The following DISC1 variants were observed in gnomAD, a reference collection of about 807,000 sequenced individuals.
DISC1 encodes DISC1 scaffold protein.
A neutral mutation model predicts 84.5 loss-of-function variants in DISC1; 57 were observed. The observed-to-expected ratio is 0.67, with a 90% CI of 0.55 to 0.84. The LOEUF is 0.84. Among genes scored for constraint, DISC1 ranks in the 40% least tolerant of loss-of-function variants. DISC1 has a pLI of 0.00. For missense variants in DISC1, 1,000 were observed against 1,057.8 expected (o/e 0.95, Z 0.76); for synonymous variants, 411 against 415.2 (o/e 0.99, Z 0.12).
chr1:231,727,577 GC>G (rs1166371400), intron 3 of DISC1, among the ~76,000 whole-genome samples: 1 of 152,120 alleles, frequency 6.6e-6, no homozygotes, highest in African/African-American at 2.4e-5. Context: ...TCAGAGAGAC[GC>G]CCCTTGAGTA....
intron 6 of DISC1, among the ~76,000 whole-genome samples, chr1:231,779,089 C>G (rs1225313021): frequency 1.3e-5 from 2 of 152,136 alleles, no homozygotes; most frequent in Non-Finnish European, 2.9e-5. Context: ...AAGTCTCACA[C>G]CCCTGCACCT....
chr1:231,706,858 A>C (rs1302537481), intron 3 of DISC1, among the ~76,000 whole-genome samples: 2 of 152,156 alleles, frequency 1.3e-5, no homozygotes, highest in Non-Finnish European at 2.9e-5. Context: ...CTCTATCCTC[A>C]GTTTCTCGTC....
At chr1:231,720,436 T>C (rs1186034827) in intron 3 of DISC1, among the ~76,000 whole-genome samples, 1 of 152,208 alleles carries the variant, frequency 6.6e-6, no homozygotes, top group Non-Finnish European at 1.5e-5. Context: ...ATTCCTGGGC[T>C]TAGGCGATCC....
chr1:231,775,754 T>C (rs146397297), intron 6 of DISC1, among the ~76,000 whole-genome samples: 274 of 152,314 alleles, frequency 1.8e-3, no homozygotes, highest in Admixed American at 3.0e-3. Context: ...ACCCCCCTGC[T>C]TTAAAACAAG....
chr1:232,039,789 A>G lies in DISC1; in HGVS notation c.*2958A>G, dbSNP rs1373296354. 1.3e-5 allele frequency: 2 copies of G among 152,158 alleles called. No homozygotes were observed. The highest frequency in any genetic ancestry group is 4.8e-5 in the African/African-American group (2 of 41,454). 9.4% of individuals were successfully genotyped at this position (152,158 alleles called of 1,614,324 possible). ...ATGGAAATTTATGTTGGCGATAGCC[A>G]AGACCACAAGCAAAAGCACATACTG... On this transcript the variant is annotated 3_prime_UTR_variant, in exon 13 of 13. Coordinates refer to ENST00000439617, the MANE Select transcript of DISC1 (RefSeq NM_018662.3).
At chr1:231,723,925 AG>A (rs2125122704) in intron 3 of DISC1, 1 of 985,470 alleles carries the variant, frequency 1.0e-6, no homozygotes, top group East Asian at 1.1e-4. Context: ...TTAATTCCCT[AG>A]GTCAGTGGCT....
intron 10 of DISC1, among the ~76,000 whole-genome samples, chr1:231,998,193 C>T (rs1666198345): frequency 6.6e-6 from 1 of 152,108 alleles, no homozygotes; most frequent in Non-Finnish European, 1.5e-5. Context: ...CTCAGAAATT[C>T]TCAGAGGACA....
At chr1:231,870,933 T>C (rs200924544) in intron 9 of DISC1, among the ~76,000 whole-genome samples, 17 of 152,242 alleles carry the variant, frequency 1.1e-4, no homozygotes, top group Non-Finnish European at 1.5e-4. Context: ...TTAATTTTGC[T>C]CTAGTAATGC....
At chr1:231,752,002 G>A (rs1333409717) in intron 4 of DISC1, among the ~76,000 whole-genome samples, 2 of 152,174 alleles carry the variant, frequency 1.3e-5, no homozygotes, top group Non-Finnish European at 2.9e-5. Flanking sequence ...CCCAATAGAA[G>A]CTAAGAAACT....
rs559940344 is a variant in DISC1, at chr1:231,675,663, G to A, written c.68-18163G>A. Among the ~76,000 whole-genome samples the A allele has an allele frequency of 2.2e-4, 33 of 152,186 alleles. No individual in the cohort carries two copies. In the South Asian group the frequency reaches 6.2e-3, roughly 29 times the overall value. On this transcript the variant is annotated intron_variant, in intron 1 of 12. Coordinates refer to ENST00000439617, the MANE Select transcript of DISC1 (RefSeq NM_018662.3). This position sits in a 1 kb window ranked among gnomAD's most constrained non-coding sequence, Gnocchi z 4.1. The stretch of plus-strand genomic sequence containing the variant: ...GAGGGACAGCCATGGAGGCCCATGT[G>A]CGCCATTGCCCTTATCCCTTGGGGG...
intron 9 of DISC1, among the ~76,000 whole-genome samples, chr1:231,829,433 C>T (rs957391509): frequency 2.6e-5 from 4 of 152,044 alleles, no homozygotes; most frequent in African/African-American, 4.8e-5. Context: ...GGCATTATCT[C>T]GGCTCACTGC....
chr1:231,703,171 G>C (rs998051989), intron 3 of DISC1, among the ~76,000 whole-genome samples: 4 of 152,210 alleles, frequency 2.6e-5, no homozygotes, highest in African/African-American at 9.6e-5. Flanking sequence ...GTTGGGTTTA[G>C]AAAGTCACGG....
At chr1:231,943,457 C>T (rs750968285) in intron 9 of DISC1, among the ~76,000 whole-genome samples, 6 of 152,198 alleles carry the variant, frequency 3.9e-5, no homozygotes, top group Non-Finnish European at 8.8e-5. Flanking sequence ...TAGGGGGTGT[C>T]CCTAGTTATC....
chr1:231,656,153 T>C (rs191159423), intron 1 of DISC1, among the ~76,000 whole-genome samples: 1 of 152,270 alleles, frequency 6.6e-6, no homozygotes, highest in African/African-American at 2.4e-5. Flanking sequence ...TTATAAATTC[T>C]TTGCCTAGGC....
chr1:231,630,000 C>T (rs1392731427), intron 1 of DISC1, among the ~76,000 whole-genome samples: 1 of 152,106 alleles, frequency 6.6e-6, no homozygotes, highest in Non-Finnish European at 1.5e-5. Context: ...GGCACGATCT[C>T]GGCTCACTGC....
At chr1:231,888,143 G>C (rs762998922) in intron 9 of DISC1, among the ~76,000 whole-genome samples, 7 of 152,310 alleles carry the variant, frequency 4.6e-5, no homozygotes, top group African/African-American at 1.4e-4. Flanking sequence ...CCTAAAAATA[G>C]TTACTTGTGG....
At chr1:231,969,600 T>A (rs1384211883) in intron 10 of DISC1, among the ~76,000 whole-genome samples, 4 of 22,758 alleles carry the variant, frequency 1.8e-4, no homozygotes, top group African/African-American at 4.7e-4. Context: ...CTTTCTTTCT[T>A]TTTTTTTTTT....
At chr1:231,864,611 C>T (rs373215726) in intron 9 of DISC1, among the ~76,000 whole-genome samples, 305 of 152,172 alleles carry the variant, frequency 2.0e-3, no homozygotes, top group African/African-American at 7.1e-3. Flanking sequence ...TGCAGTGAGC[C>T]AAGATCGCAC....
At chr1:231,855,347 G>A in intron 9 of DISC1, 2 of 974,608 alleles carry the variant, frequency 2.1e-6, no homozygotes, top group Non-Finnish European at 2.4e-6. Flanking sequence ...CAATTAAACA[G>A]TACATTAAAA....
Sources: allele counts gnomAD v4.1 joint callset (sites outside exome capture counted in the v4.1 genomes callset), GRCh38; gene constraint gnomAD v4.1.1; non-coding constraint Gnocchi (gnomAD v3.1); transcripts MANE v1.5; gene names NCBI Gene and HGNC (gene_info 2026-07-23, HGNC 2026-07-21).